Variants in SORBS2 observed in about 807,000 individuals in gnomAD.
SORBS2 encodes the protein sorbin and SH3 domain containing 2, also known as sorbin and SH3 domain-containing protein 2.
In SORBS2, 46 loss-of-function variants were observed where a neutral mutation model predicts 97.7. The observed-to-expected ratio is 0.47, with a 90% CI of 0.37 to 0.60. SORBS2 has a LOEUF of 0.60. SORBS2 is among the 20% of genes least tolerant of loss of function. SORBS2 has a pLI of 0.00. For synonymous variants in SORBS2, 476 were observed against 473.4 expected, an observed-to-expected ratio of 1.01 and a Z score of -0.07; for missense variants, 1,316 against 1,282.3, an observed-to-expected ratio of 1.03 and a Z score of -0.40.
At chr4:185,854,609 C>T (rs2099219682) in intron 1 of SORBS2, among the ~76,000 whole-genome samples, 2 of 152,158 alleles carry the variant, frequency 1.3e-5, no homozygotes, top group South Asian at 4.1e-4. Flanking sequence ...TGAAATGAAT[C>T]ACAATGCTTT....
At chr4:185,667,481 G>C (rs1334327306) in intron 4 of SORBS2, among the ~76,000 whole-genome samples, 1 of 151,966 alleles carries the variant, frequency 6.6e-6, no homozygotes, top group African/African-American at 2.4e-5. Context: ...TCTGATAAAT[G>C]TGACTGATCC....
At chr4:185,819,402 C>A (rs1435463952) in intron 1 of SORBS2, among the ~76,000 whole-genome samples, 7 of 152,186 alleles carry the variant, frequency 4.6e-5, no homozygotes, top group Non-Finnish European at 2.9e-5. Flanking sequence ...TTGAGTTGGC[C>A]TCTTTGAAGG....
intron 2 of SORBS2, among the ~76,000 whole-genome samples, chr4:185,752,431 A>G (rs1584144093): frequency 6.6e-6 from 1 of 152,000 alleles, no homozygotes; most frequent in South Asian, 2.1e-4. Context: ...GCCCGCCACC[A>G]CACCCAGCTA....
chr4:185,792,623 G>GA (rs974899503), intron 1 of SORBS2, among the ~76,000 whole-genome samples: 3 of 151,940 alleles, frequency 2.0e-5, no homozygotes, highest in African/African-American at 4.8e-5. Context: ...TAAATCTTCA[G>GA]AAAAAAAATT....
chr4:185,897,168 C>T (rs909641836), intron 1 of SORBS2, among the ~76,000 whole-genome samples: 1 of 152,194 alleles, frequency 6.6e-6, no homozygotes, highest in African/African-American at 2.4e-5. Flanking sequence ...CCCTTTGCCC[C>T]AGAGCCAGCC....
exon 4 of SORBS2, chr4:185,678,518 C>G: frequency 6.5e-7 from 1 of 1,548,284 alleles, no homozygotes; most frequent in Non-Finnish European, 8.7e-7. Flanking sequence ...TTCAGTGTCT[C>G]CTGATTGCCA....
At chr4:185,781,782 C>A (rs761231871) in intron 1 of SORBS2, among the ~76,000 whole-genome samples, 1 of 152,268 alleles carries the variant, frequency 6.6e-6, no homozygotes. Flanking sequence ...GATGGGAATG[C>A]CTTCCCTGCC....
rs2099154107 is a variant in SORBS2 at position 185,806,434 on chromosome 4, CTATTTTT to C, written c.-337-31075_-337-31069del. Among the ~76,000 whole-genome samples the C allele has an allele frequency of 2.2e-4, 24 of 108,140 alleles. 2 individuals carry two copies. The highest frequency in any genetic ancestry group is 5.5e-4 in the African/African-American group (15 of 27,292). 70.9% of individuals were successfully genotyped at this position (108,140 alleles called of 152,430 possible). A position where few individuals can be genotyped will look rare whatever the true frequency, so the allele number is the denominator to read the frequency against. ...AGTGGCACAGCTCTTGGCTAGAATCCTATTTTTTTTTTTTTTTTTTTTTTTTTTTTTT... is the reference window on the plus strand; with the variant it reads ...AGTGGCACAGCTCTTGGCTAGAATCCTTTTTTTTTTTTTTTTTTTTTTTTT... On this transcript the variant is annotated intron_variant, in intron 1 of 20. Coordinates refer to the SORBS2 transcript ENST00000284776.
intron 2 of SORBS2, among the ~76,000 whole-genome samples, chr4:185,700,739 G>C (rs1452688641): frequency 6.6e-6 from 1 of 152,160 alleles, no homozygotes; most frequent in African/African-American, 2.4e-5. Flanking sequence ...CTTCAGAACT[G>C]TACAACAAAA....
chr4:185,839,741 A>T (rs748224498), intron 1 of SORBS2, among the ~76,000 whole-genome samples: 101 of 152,254 alleles, frequency 6.6e-4, no homozygotes, highest in Non-Finnish European at 1.2e-3. Context: ...AAATAAAGGC[A>T]GTTTGTACAA....
chr4:185,610,722 C>A (rs2096523922), intron 12 of SORBS2, among the ~76,000 whole-genome samples: 2 of 152,092 alleles, frequency 1.3e-5, no homozygotes, highest in South Asian at 4.1e-4. Flanking sequence ...TGACTTCACA[C>A]TTTAGTAACA....
chr4:185,795,462 C>T (rs985664040), intron 1 of SORBS2, among the ~76,000 whole-genome samples: 1 of 152,132 alleles, frequency 6.6e-6, no homozygotes, highest in Non-Finnish European at 1.5e-5. Context: ...TGCCCAGCCT[C>T]TCTCTGAAGG....
intron 3 of SORBS2, 106 bp downstream of exon 6, chr4:185,678,690 C>A: frequency 7.0e-6 from 8 of 1,138,312 alleles, no homozygotes; most frequent in Non-Finnish European, 9.9e-6. Context: ...ATATGCATAA[C>A]AGTACATGAA....
intron 1 of SORBS2, among the ~76,000 whole-genome samples, chr4:185,887,644 A>C (rs2099240336): frequency 6.6e-6 from 1 of 152,198 alleles, no homozygotes; most frequent in South Asian, 2.1e-4. Context: ...CCTAAGTTAA[A>C]CAAGTTATTC....
chr4:185,955,127 C>G (rs192265365), intron 1 of SORBS2, among the ~76,000 whole-genome samples: 1 of 152,250 alleles, frequency 6.6e-6, no homozygotes, highest in East Asian at 1.9e-4. Context: ...TTTGCTGTGA[C>G]ATTTAACATT....
At chr4:185,656,849 A>C in exon 1 of SORBS2, 1 of 1,335,290 alleles carries the variant, frequency 7.5e-7, no homozygotes, top group African/African-American at 1.5e-5. Context: ...ATCCCAGGAG[A>C]GCTCTCAGCA....
At chr4:185,716,708 C>T (rs1346330410) in intron 2 of SORBS2, among the ~76,000 whole-genome samples, 4 of 152,078 alleles carry the variant, frequency 2.6e-5, no homozygotes, top group Non-Finnish European at 5.9e-5. Context: ...TTCATTGCAC[C>T]TTCCGCTGGT....
At chr4:185,840,250 C>A (rs112625215) in intron 1 of SORBS2, among the ~76,000 whole-genome samples, 200 of 152,316 alleles carry the variant, frequency 1.3e-3, no homozygotes, top group African/African-American at 4.6e-3. Context: ...TGGAAATGCT[C>A]TGAGAAAGGC....
chr4:185,651,238 G>A (rs547290615), intron 2 of SORBS2, among the ~76,000 whole-genome samples: 195 of 152,236 alleles, frequency 1.3e-3, no homozygotes, highest in African/African-American at 4.5e-3. Context: ...ACCAAGGCTC[G>A]CCAATCCAAG....
Sources: gnomAD v4.1 joint callset for allele counts (sites outside exome capture counted in the v4.1 genomes callset) on GRCh38, gnomAD v4.1.1 for gene constraint, MANE v1.5 for transcripts, NCBI Gene and HGNC (gene_info 2026-07-23, HGNC 2026-07-21) for gene names.